Variants in LHFPL3 observed in about 807,000 individuals in gnomAD.
LHFPL3 encodes LHFPL tetraspan subfamily member 3 protein.
Under a neutral mutation model 19.3 loss-of-function variants are expected in LHFPL3, and 5 were observed. The ratio of observed to expected loss-of-function variants is 0.26; its 90% CI spans 0.14 to 0.54. LHFPL3 has a LOEUF of 0.54. LHFPL3 is among the 20% of genes least tolerant of loss of function. The probability of loss-of-function intolerance (pLI) is 0.94; values close to 1 mark genes in which losing one functional copy is unlikely to be tolerated. For synonymous variants in LHFPL3, 133 were observed against 126.2 expected (o/e 1.05, Z -0.36); for missense variants, 249 against 307.4 (o/e 0.81, Z 1.42).
intron 2 of LHFPL3, among the ~76,000 whole-genome samples, chr7:104,742,615 C>T (rs370915219): frequency 6.6e-6 from 1 of 152,166 alleles, no homozygotes; most frequent in African/African-American, 2.4e-5. Context: ...GCTGAGGAGC[C>T]TTGGGCCAAT....
intron 1 of LHFPL3, among the ~76,000 whole-genome samples, chr7:104,557,330 A>C (rs916872853): frequency 6.6e-6 from 1 of 152,246 alleles, no homozygotes; most frequent in African/African-American, 2.4e-5. Context: ...GGGAGGCCTC[A>C]CAATCATGGC....
chr7:104,433,413 C>G (rs184625621), intron 1 of LHFPL3, among the ~76,000 whole-genome samples: 1 of 152,318 alleles, frequency 6.6e-6, no homozygotes, highest in East Asian at 1.9e-4. Context: ...AATTACTGCT[C>G]TATTACAACC....
At chr7:104,396,014 G>A (rs1791176632) in intron 1 of LHFPL3, among the ~76,000 whole-genome samples, 1 of 152,190 alleles carries the variant, frequency 6.6e-6, no homozygotes, top group Non-Finnish European at 1.5e-5. Flanking sequence ...AGGTGGGACT[G>A]AGGGAAGGAC....
intron 1 of LHFPL3, among the ~76,000 whole-genome samples, chr7:104,543,620 C>T (rs569017561): frequency 4.5e-4 from 67 of 149,458 alleles, no homozygotes; most frequent in Middle Eastern, 3.4e-3. Flanking sequence ...TGTAGGGACA[C>T]GGATGAAACT....
At chr7:104,532,835 T>C (rs1224160790) in intron 1 of LHFPL3, among the ~76,000 whole-genome samples, 1 of 152,216 alleles carries the variant, frequency 6.6e-6, no homozygotes, top group African/African-American at 2.4e-5. Context: ...TTTGCACTGG[T>C]AAAACAAACA....
chr7:104,658,149 A>G, intron 1 of LHFPL3, among the ~76,000 whole-genome samples: 1 of 152,224 alleles, frequency 6.6e-6, no homozygotes. Context: ...TTTAATGCTG[A>G]CTTGGTCAGA....
At chr7:104,825,031 G>T (rs899452182) in intron 2 of LHFPL3, among the ~76,000 whole-genome samples, 4 of 149,988 alleles carry the variant, frequency 2.7e-5, no homozygotes, top group African/African-American at 9.9e-5. Context: ...GTGGAATCTA[G>T]ATTATCCATT....
intron 1 of LHFPL3, among the ~76,000 whole-genome samples, chr7:104,620,673 T>G (rs1444986069): frequency 3.3e-5 from 5 of 151,172 alleles, no homozygotes; most frequent in Non-Finnish European, 1.5e-5. Context: ...TTCCCCCCAG[T>G]GATTTCCACT....
rs1382955545 is a variant in LHFPL3, at chr7:104,574,602, A to G, written c.446-162073A>G. Reference sequence around the variant, plus strand: ...ATGTCCTCTAGAAAATACAGTTTTCAAAATGCTTTGAAAATGTGAGAATTG... The same window carrying G: ...ATGTCCTCTAGAAAATACAGTTTTCGAAATGCTTTGAAAATGTGAGAATTG... On this transcript the variant is annotated intron_variant, in intron 1 of 2. Coordinates refer to ENST00000424859, the MANE Select transcript of LHFPL3 (RefSeq NM_199000.3). 4.6e-5 allele frequency among the ~76,000 whole-genome samples: 7 copies of G among 152,338 alleles called. No homozygotes were observed. The East Asian group carries it at 1.3e-3, about 29-fold the overall frequency.
intron 2 of LHFPL3, among the ~76,000 whole-genome samples, chr7:104,839,982 G>A (rs1359570586): frequency 4.0e-5 from 6 of 151,744 alleles, no homozygotes; most frequent in Non-Finnish European, 4.4e-5. Flanking sequence ...CAAGTTGACT[G>A]GATAATTAAT....
At chr7:104,890,890 A>C (rs1792231305) in intron 2 of LHFPL3, among the ~76,000 whole-genome samples, 2 of 152,148 alleles carry the variant, frequency 1.3e-5, no homozygotes, top group South Asian at 4.1e-4. Flanking sequence ...AGACAGAACC[A>C]CAGCACCATG....
intron 2 of LHFPL3, chr7:104,738,649 T>C (rs1290425060): frequency 6.6e-6 from 1 of 152,162 alleles, no homozygotes; most frequent in Non-Finnish European, 1.5e-5. Flanking sequence ...CAACTCATAC[T>C]CATGTATGAG....
intron 2 of LHFPL3, among the ~76,000 whole-genome samples, chr7:104,781,694 C>T (rs900802857): frequency 6.6e-6 from 1 of 152,172 alleles, no homozygotes; most frequent in Non-Finnish European, 1.5e-5. Context: ...ACTTATCAGA[C>T]TTTCTTCAAT....
intron 1 of LHFPL3, among the ~76,000 whole-genome samples, chr7:104,731,055 T>C (rs146097323): frequency 0.01 from 1,572 of 152,296 alleles, 22 homozygotes; most frequent in African/African-American, 0.035. Context: ...CAGATAGTTG[T>C]AGATGTGTGG....
At chr7:104,732,403 C>T (rs1180135869) in intron 1 of LHFPL3, among the ~76,000 whole-genome samples, 12 of 152,052 alleles carry the variant, frequency 7.9e-5, no homozygotes, top group Non-Finnish European at 1.6e-4. Flanking sequence ...AATGACAGAG[C>T]CTGTTATTGG....
intron 1 of LHFPL3, among the ~76,000 whole-genome samples, chr7:104,423,264 G>A (rs535117615): frequency 2.0e-5 from 3 of 152,148 alleles, no homozygotes; most frequent in Non-Finnish European, 4.4e-5. Context: ...CAATTGGGCT[G>A]CTATGGAAGT....
intron 1 of LHFPL3, among the ~76,000 whole-genome samples, chr7:104,388,405 C>T (rs57793862): frequency 0.41 from 62,817 of 151,934 alleles, 13,343 homozygotes; most frequent in Admixed American, 0.54. Context: ...CTCAATAAGA[C>T]ATACAGCTGA....
intron 1 of LHFPL3, among the ~76,000 whole-genome samples, chr7:104,695,626 T>C (rs1257324366): frequency 6.6e-6 from 1 of 152,156 alleles, no homozygotes; most frequent in Non-Finnish European, 1.5e-5. Flanking sequence ...TATACATTGT[T>C]TTTTCTGGGT....
intron 2 of LHFPL3, among the ~76,000 whole-genome samples, chr7:104,794,464 C>T (rs1276376610): frequency 6.6e-6 from 1 of 152,108 alleles, no homozygotes; most frequent in Non-Finnish European, 1.5e-5. Context: ...ATGTTGATAG[C>T]AAAGAAGTAG....
Sources: gnomAD v4.1 joint callset for allele counts (sites outside exome capture counted in the v4.1 genomes callset) on GRCh38, gnomAD v4.1.1 for gene constraint, MANE v1.5 for transcripts, NCBI Gene and HGNC (gene_info 2026-07-23, HGNC 2026-07-21) for gene names.